The following GNA12 variants were observed in gnomAD, a reference collection of about 807,000 sequenced individuals.
The protein encoded by GNA12 is guanine nucleotide-binding protein subunit alpha-12.
GNA12 carries 9 observed loss-of-function variants against 26.0 expected under a neutral mutation model. That is an observed-to-expected ratio of 0.35 (90% CI 0.21 to 0.60). The LOEUF is 0.60. GNA12 is among the 20% of genes least tolerant of loss of function. GNA12 has a pLI of 0.78. For missense variants in GNA12, 405 were observed against 525.8 expected (o/e 0.77, Z 2.25); for synonymous variants, 264 against 219.6 (o/e 1.20, Z -1.79).
At chr7:2,781,677 T>C (rs533896387) in intron 2 of GNA12, among the ~76,000 whole-genome samples, 120 of 152,258 alleles carry the variant, frequency 7.9e-4, no homozygotes, top group African/African-American at 2.8e-3. Context: ...TTCTCAAGCC[T>C]TGAAAAATGT....
At chr7:2,738,370 T>A (rs1326995260) in intron 2 of GNA12, among the ~76,000 whole-genome samples, 3 of 151,670 alleles carry the variant, frequency 2.0e-5, no homozygotes, top group Non-Finnish European at 4.4e-5. Flanking sequence ...AAACGTCTAG[T>A]AGGAGAAGCT....
At chr7:2,761,401 A>T (rs529034503) in intron 2 of GNA12, among the ~76,000 whole-genome samples, 1 of 152,368 alleles carries the variant, frequency 6.6e-6, no homozygotes, top group South Asian at 2.1e-4. Flanking sequence ...TGTGCCACAC[A>T]GACTCCCAAG....
intron 2 of GNA12, among the ~76,000 whole-genome samples, chr7:2,752,184 C>T (rs1333936329): frequency 3.9e-5 from 6 of 151,974 alleles, no homozygotes; most frequent in Admixed American, 3.3e-4. Flanking sequence ...GAAAAAAATA[C>T]GAATGTTTCA....
intron 2 of GNA12, among the ~76,000 whole-genome samples, chr7:2,741,456 C>T (rs709280): frequency 6.6e-6 from 1 of 151,944 alleles, no homozygotes. Context: ...CCAGCAAGTG[C>T]GGCACCAGGC....
chr7:2,750,881 AAT>A (rs1203216139), intron 2 of GNA12, among the ~76,000 whole-genome samples: 1 of 152,226 alleles, frequency 6.6e-6, no homozygotes, highest in East Asian at 1.9e-4. Context: ...ATAACTGATT[AAT>A]ATGAGGGTGC....
At chr7:2,795,638 AAAG>A (rs780525790) in intron 1 of GNA12, among the ~76,000 whole-genome samples, 13 of 148,482 alleles carry the variant, frequency 8.8e-5, no homozygotes, top group South Asian at 2.1e-4. Flanking sequence ...AAAAAAAAAA[AAAG>A]AAAAGAAAAA....
intron 2 of GNA12, among the ~76,000 whole-genome samples, chr7:2,747,144 G>A (rs1156657708): frequency 6.6e-6 from 1 of 152,024 alleles, no homozygotes; most frequent in Non-Finnish European, 1.5e-5. Context: ...AATAGAAAAA[G>A]AGGGAATCCT....
At chr7:2,798,547 G>A (rs779458331) in intron 1 of GNA12, among the ~76,000 whole-genome samples, 1 of 152,062 alleles carries the variant, frequency 6.6e-6, no homozygotes. Context: ...GATATACCAC[G>A]GTCACGAATT....
chr7:2,785,588 T>C (rs1278127026), intron 2 of GNA12, among the ~76,000 whole-genome samples: 1 of 152,236 alleles, frequency 6.6e-6, no homozygotes, highest in Non-Finnish European at 1.5e-5. Flanking sequence ...TCTGACATTG[T>C]GACTTATCCT....
At chr7:2,830,303 G>A (rs1253028767) in intron 1 of GNA12, among the ~76,000 whole-genome samples, 1 of 152,162 alleles carries the variant, frequency 6.6e-6, no homozygotes, top group Non-Finnish European at 1.5e-5. Context: ...TTCTTCCTCT[G>A]CTCCCAGTCT....
At chr7:2,795,816 C>CTTTTTTTTTTTTTTT in intron 1 of GNA12, among the ~76,000 whole-genome samples, 1 of 137,876 alleles carries the variant, frequency 7.3e-6, no homozygotes, top group Non-Finnish European at 1.6e-5. Flanking sequence ...AAAAAAACAA[C>CTTTTTTTTTTTTTTT]TTTTTTTTTT....
intron 2 of GNA12, among the ~76,000 whole-genome samples, chr7:2,754,941 A>G (rs1415358641): frequency 6.6e-6 from 1 of 152,196 alleles, no homozygotes; most frequent in Non-Finnish European, 1.5e-5. Flanking sequence ...TGAAATCTGT[A>G]ACTCAGTTTG....
In GNA12 at chr7:2,793,842, A is replaced by G. The variant is rs578245927; in HGVS notation, c.525+1086T>C. ...GGTTGCAGTGAGCTGAGATGGCGCCACTGCACTCCAGGCTGGGCAACAGCG... is the reference window on the plus strand; with the variant it reads ...GGTTGCAGTGAGCTGAGATGGCGCCGCTGCACTCCAGGCTGGGCAACAGCG... On this transcript the variant is annotated intron_variant, in intron 2 of 3. Coordinates refer to ENST00000275364, the MANE Select transcript of GNA12 (RefSeq NM_007353.3). 9.5e-5 allele frequency among the ~76,000 whole-genome samples: 14 copies of G among 147,292 alleles called. No homozygotes were observed. In the South Asian group the frequency reaches 2.8e-3, roughly 30 times the overall value.
At chr7:2,748,741 A>T (rs1382812463) in intron 2 of GNA12, among the ~76,000 whole-genome samples, 11 of 152,242 alleles carry the variant, frequency 7.2e-5, no homozygotes, top group African/African-American at 2.2e-4. Flanking sequence ...GAATGGGAGA[A>T]AATTTTTGCA....
chr7:2,810,304 T>A (rs915471680), intron 1 of GNA12, among the ~76,000 whole-genome samples: 3 of 152,036 alleles, frequency 2.0e-5, no homozygotes, highest in Admixed American at 2.0e-4. Context: ...CTCATTAAGG[T>A]CCCTTTTATA....
At chr7:2,767,175 C>T (rs531648956) in intron 2 of GNA12, among the ~76,000 whole-genome samples, 7 of 152,238 alleles carry the variant, frequency 4.6e-5, no homozygotes, top group South Asian at 2.1e-4. Flanking sequence ...ATATTTTTCC[C>T]GTTTTATAGG....
chr7:2,766,813 C>G (rs1002862253), intron 2 of GNA12, among the ~76,000 whole-genome samples: 1 of 152,240 alleles, frequency 6.6e-6, no homozygotes, highest in Admixed American at 6.5e-5. Flanking sequence ...GCATCTGGGT[C>G]TCTTCCTACT....
rs1165337459 is a variant in GNA12 at position 2,762,415 on chromosome 7, C to T, written c.526-28914G>A. The T allele has an allele frequency of 1.7e-5, 8 of 480,032 alleles. No individual in the cohort carries two copies. The East Asian group carries it at 2.4e-4, about 15-fold the overall frequency. 29.7% of individuals were successfully genotyped at this position (480,032 alleles called of 1,614,324 possible). On this transcript the variant is annotated intron_variant, in intron 2 of 3. Transcript: ENST00000275364. Reference sequence around the variant, plus strand: ...CTCACTGAGGAAACCAAAGCTTAGACGTTAACTTGGCCAAGGGCAAAAACG... The same window carrying T: ...CTCACTGAGGAAACCAAAGCTTAGATGTTAACTTGGCCAAGGGCAAAAACG...
chr7:2,737,333 G>T (rs561186933), intron 2 of GNA12, among the ~76,000 whole-genome samples: 1 of 121,994 alleles, frequency 8.2e-6, no homozygotes, highest in African/African-American at 3.1e-5. Flanking sequence ...CTGTCGCCCC[G>T]GCTGGAGTGC....
Sources: allele counts gnomAD v4.1 joint callset (sites outside exome capture counted in the v4.1 genomes callset), GRCh38; gene constraint gnomAD v4.1.1; transcripts MANE v1.5; gene names NCBI Gene and HGNC (gene_info 2026-07-23, HGNC 2026-07-21).